Variants in AGPAT4 observed in about 807,000 individuals in gnomAD.
AGPAT4 encodes 1-acylglycerol-3-phosphate O-acyltransferase 4.
Under a neutral mutation model 48.0 loss-of-function variants are expected in AGPAT4, and 15 were observed. The ratio of observed to expected loss-of-function variants is 0.31; its 90% CI spans 0.21 to 0.48. The LOEUF is 0.48. Among genes scored for constraint, AGPAT4 ranks in the 20% least tolerant of loss-of-function variants. The probability of loss-of-function intolerance (pLI) is 0.99; values close to 1 mark genes in which losing one functional copy is unlikely to be tolerated. For missense variants in AGPAT4, 314 were observed against 482.5 expected, an observed-to-expected ratio of 0.65 and a Z score of 3.27; for synonymous variants, 178 against 198.7, an observed-to-expected ratio of 0.90 and a Z score of 0.88.
chr6:161,174,253 C>T (rs796706016), intron 2 of AGPAT4, among the ~76,000 whole-genome samples: 5 of 152,146 alleles, frequency 3.3e-5, no homozygotes, highest in Admixed American at 6.5e-5. Flanking sequence ...GCCATTTTCA[C>T]GATATTTATT....
Position 161,254,117 on chromosome 6 carries a change from T to C in AGPAT4, c.-90+19821A>G, listed in dbSNP as rs1782876464. On this transcript the variant is annotated intron_variant, in intron 1 of 8. Transcript: ENST00000320285. This position sits in a 1 kb window ranked among gnomAD's most constrained non-coding sequence, Gnocchi z 5.9. ...CTTTATGCTTCTCTGTATTTTCTAA[T>C]TATTCTATCAAAAGTATTAACCACT... Among the ~76,000 whole-genome samples, 1 of 152,240 alleles carries C rather than the reference T, an allele frequency of 6.6e-6. No individual in the cohort carries two copies. The highest frequency in any genetic ancestry group is 2.4e-5 in the African/African-American group (1 of 41,472).
chr6:161,196,582 C>T lies in AGPAT4; in HGVS notation c.179-30165G>A, dbSNP rs947036640. On this transcript the variant is annotated intron_variant, in intron 2 of 8. Coordinates refer to ENST00000320285, the MANE Select transcript of AGPAT4 (RefSeq NM_020133.3). This position sits in a 1 kb window ranked among gnomAD's most constrained non-coding sequence, Gnocchi z 4.3. ...CAGCATTTTGGGAGGCCGAGTCAGG[C>T]GGATCACTTGAGGTCAAGAGTTCGA... Among the ~76,000 whole-genome samples, 1 of 151,886 alleles carries T rather than the reference C, an allele frequency of 6.6e-6. No homozygotes were observed. Among genetic ancestry groups the T allele is most frequent in the Non-Finnish European group, 1.5e-5 (1 of 67,984 alleles).
chr6:161,211,732 A>G lies in AGPAT4; in HGVS notation c.178+20304T>C, dbSNP rs1422837255. The stretch of plus-strand genomic sequence containing the variant: ...TTTTAATTAAGGTTATTTCATCTGT[A>G]TATCTCTCTGCATGCACTTTTAAAG... On this transcript the variant is annotated intron_variant, in intron 2 of 8. Transcript: ENST00000320285. 3.3e-5 allele frequency among the ~76,000 whole-genome samples: 5 copies of G among 152,328 alleles called. No individual in the cohort carries two copies. In the East Asian group the frequency reaches 7.7e-4, roughly 23 times the overall value.
In AGPAT4 at chr6:161,139,553, C is replaced by T. The variant is rs201134001; in HGVS notation, c.911G>A (p.Arg304Gln). ...CAGCCAGTTCACGAGGGTCCAGGGC[C>T]GCCGGGGGGGCACCATGGGCGTCTC... is the stretch of plus-strand genomic sequence containing the variant. Reference protein sequence around the residue: ...FPETPMVPPRRPWTLVNWLFW... With the variant: ...FPETPMVPPRQPWTLVNWLFW... Residue 304 changes from arginine (R) to glutamine (Q), a missense_variant, in exon 8 of 9, where the codon CGG becomes CAG. Arg to Gln is a conservative substitution (Grantham distance 43). Coordinates refer to ENST00000320285, the MANE Select transcript of AGPAT4 (RefSeq NM_020133.3). The surrounding 1 kb of genome is among the most constrained non-coding windows in gnomAD (Gnocchi z 9.1). 2 of 1,614,020 alleles carry T rather than the reference C, an allele frequency of 1.2e-6. No homozygotes were observed. The highest frequency in any genetic ancestry group is 3.3e-5 in the Admixed American group (2 of 60,026).
At chr6:161,230,394 T>C (rs574356347) in intron 2 of AGPAT4, among the ~76,000 whole-genome samples, 2 of 152,158 alleles carry the variant, frequency 1.3e-5, no homozygotes, top group Non-Finnish European at 2.9e-5. Flanking sequence ...TAAATGCAGG[T>C]TTCAATGAAA....
rs1183890542 is a variant in AGPAT4 at position 161,225,069 on chromosome 6, G to C, written c.178+6967C>G. Among the ~76,000 whole-genome samples, 1 of 147,578 alleles carries C rather than the reference G, an allele frequency of 6.8e-6. No individual in the cohort carries two copies. Among genetic ancestry groups the C allele is most frequent in the African/African-American group, 2.6e-5 (1 of 38,822 alleles). ...CCACCCTGACTCATTCCGATTACCT[G>C]CTTCACCCTGACTCATTCGGATTAT... is the stretch of plus-strand genomic sequence containing the variant. On this transcript the variant is annotated intron_variant, in intron 2 of 8. Coordinates refer to ENST00000320285, the MANE Select transcript of AGPAT4 (RefSeq NM_020133.3). The surrounding 1 kb of genome is among the most constrained non-coding windows in gnomAD (Gnocchi z 5.0).
At chr6:161,160,104 A>ATTTT (rs5881394) in intron 3 of AGPAT4, 12 of 74,006 alleles carry the variant, frequency 1.6e-4, no homozygotes, top group East Asian at 9.7e-4. Flanking sequence ...CACCCAGCTA[A>ATTTT]TTTTTTTTTT....
Position 161,166,738 on chromosome 6 carries a change from A to G in AGPAT4, c.179-321T>C, listed in dbSNP as rs1418656997. ...AGAATTCATGCCCTTGTGTTTACAG[A>G]GCTCTGAAAGGCAGCGTGAGATGAG... On this transcript the variant is annotated intron_variant, in intron 2 of 8. Coordinates refer to ENST00000320285, the MANE Select transcript of AGPAT4 (RefSeq NM_020133.3). This position sits in a 1 kb window ranked among gnomAD's most constrained non-coding sequence, Gnocchi z 6.7. 6.6e-6 allele frequency among the ~76,000 whole-genome samples: 1 copy of G among 152,206 alleles called. No individual in the cohort carries two copies. Among genetic ancestry groups the G allele is most frequent in the Non-Finnish European group, 1.5e-5 (1 of 68,042 alleles).
At chr6:161,175,435 T>C (rs547429157) in intron 2 of AGPAT4, among the ~76,000 whole-genome samples, 3 of 152,362 alleles carry the variant, frequency 2.0e-5, no homozygotes, top group African/African-American at 7.2e-5. Context: ...TTTATTTGCA[T>C]AGAGGTGTTT....
chr6:161,230,202 AT>A (rs1358176507), intron 2 of AGPAT4, among the ~76,000 whole-genome samples: 9 of 152,228 alleles, frequency 5.9e-5, no homozygotes, highest in Admixed American at 5.2e-4. Flanking sequence ...TCAAAAAAAA[AT>A]ATAGTACTCT....
At position 161,134,524 on chromosome 6, in the gene AGPAT4, T is replaced by A. The variant is rs1779003490; in HGVS notation, c.*2016A>T. On this transcript the variant is annotated 3_prime_UTR_variant, in exon 9 of 9. Coordinates refer to ENST00000320285, the MANE Select transcript of AGPAT4 (RefSeq NM_020133.3). ...CTTTAGGATTCTTAAAGTGTGCTCT[T>A]TTACCCTTGACACACCCCAAGAGGT... 1 of 152,096 alleles carries A rather than the reference T, an allele frequency of 6.6e-6. No homozygotes were observed. Among genetic ancestry groups the A allele is most frequent in the African/African-American group, 2.4e-5 (1 of 41,414 alleles). 9.4% of individuals were successfully genotyped at this position (152,096 alleles called of 1,614,324 possible).
At chr6:161,167,302 T>G (rs1450605217) in intron 2 of AGPAT4, among the ~76,000 whole-genome samples, 1 of 152,168 alleles carries the variant, frequency 6.6e-6, no homozygotes, top group Non-Finnish European at 1.5e-5. Flanking sequence ...CACGGCTCAC[T>G]GCAGCCTCAA....
In AGPAT4 at chr6:161,177,568, G is replaced by A. The variant is rs181355709; in HGVS notation, c.179-11151C>T. 5.8e-4 allele frequency among the ~76,000 whole-genome samples: 88 copies of A among 152,078 alleles called. No homozygotes were observed. The highest frequency in any genetic ancestry group is 5.6e-3 in the Admixed American group (86 of 15,260). On this transcript the variant is annotated intron_variant, in intron 2 of 8. Coordinates refer to ENST00000320285, the MANE Select transcript of AGPAT4 (RefSeq NM_020133.3). This position sits in a 1 kb window ranked among gnomAD's most constrained non-coding sequence, Gnocchi z 5.0. The stretch of plus-strand genomic sequence containing the variant: ...CTAATCTTTTTTTTCAAGGTTTTTA[G>A]CTTCTTTGCGATTGGTTCAAACATC...
At position 161,180,773 on chromosome 6, in the gene AGPAT4, G is replaced by A. The variant is rs1310809004; in HGVS notation, c.179-14356C>T. Reference sequence around the variant, plus strand: ...ATAAGGAGGCTTGGGAGACAGGACGGTGCCTTCACACTCACAACACCCTCA... The same window carrying A: ...ATAAGGAGGCTTGGGAGACAGGACGATGCCTTCACACTCACAACACCCTCA... On this transcript the variant is annotated intron_variant, in intron 2 of 8. Transcript: ENST00000320285. This position sits in a 1 kb window ranked among gnomAD's most constrained non-coding sequence, Gnocchi z 6.4. Among the ~76,000 whole-genome samples the A allele has an allele frequency of 1.3e-5, 2 of 152,252 alleles. No homozygotes were observed. Among genetic ancestry groups the A allele is most frequent in the East Asian group, 1.9e-4 (1 of 5,166 alleles).
intron 2 of AGPAT4, among the ~76,000 whole-genome samples, chr6:161,172,293 T>C (rs1780287612): frequency 6.6e-6 from 1 of 152,228 alleles, no homozygotes. Flanking sequence ...ATTCTGGGTC[T>C]TGCCCTTTAG....
At position 161,215,049 on chromosome 6, in the gene AGPAT4, C is replaced by T. The variant is rs1389189099; in HGVS notation, c.178+16987G>A. Among the ~76,000 whole-genome samples, 3 of 152,158 alleles carry T rather than the reference C, an allele frequency of 2.0e-5. No homozygotes were observed. Among genetic ancestry groups the T allele is most frequent in the East Asian group, 1.9e-4 (1 of 5,182 alleles). On this transcript the variant is annotated intron_variant, in intron 2 of 8. Coordinates refer to ENST00000320285, the MANE Select transcript of AGPAT4 (RefSeq NM_020133.3). The surrounding 1 kb of genome is among the most constrained non-coding windows in gnomAD (Gnocchi z 4.5). The stretch of plus-strand genomic sequence containing the variant: ...AACAATTTTTTCTTTGGTAGGACTA[C>T]AAGCTATGTTTTTTATGTGACATTT...
chr6:161,165,608 T>C lies in AGPAT4; in HGVS notation c.348+640A>G. The C allele has an allele frequency of 1.5e-6, 2 of 1,301,592 alleles. No individual in the cohort carries two copies. The highest frequency in any genetic ancestry group is 1.0e-6 in the Non-Finnish European group (1 of 988,476). The allele number at this position is 1,301,592 out of a possible 1,614,324, so 80.6% of individuals were successfully genotyped here. On this transcript the variant is annotated intron_variant, in intron 3 of 8. Coordinates refer to ENST00000320285, the MANE Select transcript of AGPAT4 (RefSeq NM_020133.3). This position sits in a 1 kb window ranked among gnomAD's most constrained non-coding sequence, Gnocchi z 5.5. ...ACCGCAGATGACTCTGATTCAGCTATGTGACACAGGCTCAACCGCTACACG... is the reference window on the plus strand; with the variant it reads ...ACCGCAGATGACTCTGATTCAGCTACGTGACACAGGCTCAACCGCTACACG...
intron 2 of AGPAT4, among the ~76,000 whole-genome samples, chr6:161,168,286 C>A (rs562079472): frequency 6.6e-6 from 1 of 152,286 alleles, no homozygotes; most frequent in South Asian, 2.1e-4. Flanking sequence ...CCATTACTGG[C>A]CAAAGGCCAC....
Position 161,196,483 on chromosome 6 carries a change from A to G in AGPAT4, c.179-30066T>C, listed in dbSNP as rs990243643. On this transcript the variant is annotated intron_variant, in intron 2 of 8. Coordinates refer to ENST00000320285, the MANE Select transcript of AGPAT4 (RefSeq NM_020133.3). The surrounding 1 kb of genome is among the most constrained non-coding windows in gnomAD (Gnocchi z 4.3). ...CAGAGTTAGGGCAAAGACTAGAGTT[A>G]CAAGTCACAGTTCAATCTAATGTGT... Among the ~76,000 whole-genome samples, 1 of 152,090 alleles carries G rather than the reference A, an allele frequency of 6.6e-6. No homozygotes were observed. The highest frequency in any genetic ancestry group is 2.4e-5 in the African/African-American group (1 of 41,396).
Sources: allele counts gnomAD v4.1 joint callset (sites outside exome capture counted in the v4.1 genomes callset), GRCh38; gene constraint gnomAD v4.1.1; non-coding constraint Gnocchi (gnomAD v3.1); transcripts MANE v1.5; gene names NCBI Gene and HGNC (gene_info 2026-07-23, HGNC 2026-07-21).